The following AAK1 variants were observed in gnomAD, a reference collection of about 807,000 sequenced individuals.
AAK1 encodes the protein AP2-associated protein kinase 1.
In AAK1, 37 loss-of-function variants were observed where a neutral mutation model predicts 116.0. That is an observed-to-expected ratio of 0.32 (90% CI 0.25 to 0.42). The LOEUF (loss-of-function observed/expected upper bound fraction) is 0.42, where lower values mean the gene tolerates loss of function less well. Among genes scored for constraint, AAK1 ranks in the 10% least tolerant of loss-of-function variants. The pLI is 1.00. For missense variants in AAK1, 919 were observed against 1,170.6 expected (o/e 0.79, Z 3.14); for synonymous variants, 458 against 439.9 (o/e 1.04, Z -0.51).
Position 69,480,912 on chromosome 2 carries a change from T to G in AAK1, c.2517A>C (p.Pro839=), listed in dbSNP as rs1367087027. The G allele has an allele frequency of 6.2e-7, 1 of 1,607,606 alleles. No individual in the cohort carries two copies. The change falls in exon 19 of 22, where the codon CCA becomes CCC. Residue 839 remains proline (P), a synonymous_variant. Coordinates refer to ENST00000409085, the MANE Select transcript of AAK1 (RefSeq NM_014911.5). ...VESLIPGLEP[P]VPQRLPSQTE... is the part of the protein sequence containing the mutation. ...TCTGAGATGGGAGGCGCTGGGGAAC[T>G]GGGGGCTCCAGTCCTGGTATGAGAC...
chr2:69,642,802 A>G (rs996948128), intron 2 of AAK1, 76 bp downstream of exon 2: 4 of 1,596,532 alleles, frequency 2.5e-6, no homozygotes, highest in Non-Finnish European at 2.6e-6. Flanking sequence ...CCATTCATAC[A>G]TGCAACAACT....
At chr2:69,557,605 T>C (rs1387049961) in intron 2 of AAK1, among the ~76,000 whole-genome samples, 1 of 152,178 alleles carries the variant, frequency 6.6e-6, no homozygotes, top group Non-Finnish European at 1.5e-5. Flanking sequence ...CTTGGGTATT[T>C]TGATGCTCTT....
Position 69,472,772 on chromosome 2 carries a change from C to T in AAK1, c.*3097G>A, listed in dbSNP as rs1203691863. On this transcript the variant is annotated 3_prime_UTR_variant, in exon 22 of 22. Coordinates refer to ENST00000409085, the MANE Select transcript of AAK1 (RefSeq NM_014911.5). ...TTTGCCCGTTTTAAACTGGTAGATGCCTGATTATACATTTAAAAAGAAATC... is the reference window on the plus strand; with the variant it reads ...TTTGCCCGTTTTAAACTGGTAGATGTCTGATTATACATTTAAAAAGAAATC... 3 of 984,678 alleles carry T rather than the reference C, an allele frequency of 3.0e-6. No homozygotes were observed. Among genetic ancestry groups the T allele is most frequent in the Non-Finnish European group, 3.6e-6 (3 of 829,668 alleles). The allele number at this position is 984,678 out of a possible 1,614,324, so 61.0% of individuals were successfully genotyped here.
chr2:69,564,592 AG>A (rs1192393027), intron 2 of AAK1, among the ~76,000 whole-genome samples: 4 of 151,410 alleles, frequency 2.6e-5, no homozygotes, highest in Non-Finnish European at 5.9e-5. Flanking sequence ...GGCAGCTTTT[AG>A]GGAAGGAGCT....
chr2:69,537,415 C>T (rs1295739805), intron 5 of AAK1, among the ~76,000 whole-genome samples: 1 of 152,202 alleles, frequency 6.6e-6, no homozygotes, highest in Non-Finnish European at 1.5e-5. Context: ...GGGGTTTCCT[C>T]AGTTCTGCAT....
chr2:69,508,064 A>T (rs1558920033), intron 14 of AAK1, among the ~76,000 whole-genome samples: 1 of 152,214 alleles, frequency 6.6e-6, no homozygotes, highest in Non-Finnish European at 1.5e-5. Context: ...GCAGATACCC[A>T]TTCCACTTTG....
At chr2:69,593,214 A>T (rs1218785042) in intron 2 of AAK1, among the ~76,000 whole-genome samples, 1 of 152,198 alleles carries the variant, frequency 6.6e-6, no homozygotes, top group Non-Finnish European at 1.5e-5. Flanking sequence ...ATATTTAAAG[A>T]TGCTTTATGC....
chr2:69,600,673 G>A (rs1461291429), intron 2 of AAK1, among the ~76,000 whole-genome samples: 1 of 152,196 alleles, frequency 6.6e-6, no homozygotes, highest in African/African-American at 2.4e-5. Context: ...TGACAACAAA[G>A]GATTTAGAAT....
rs997169540 is a variant in AAK1 at position 69,468,763 on chromosome 2, A to G, written c.*7106T>C. ...AGTGCTAGATTACATTTTGAGAACT[A>G]GGAAGTACCAAGGGGTGTGTGTATG... On this transcript the variant is annotated 3_prime_UTR_variant, in exon 22 of 22. Coordinates refer to ENST00000409085, the MANE Select transcript of AAK1 (RefSeq NM_014911.5). The G allele has an allele frequency of 1.4e-5, 14 of 985,442 alleles. No homozygotes were observed. The highest frequency in any genetic ancestry group is 1.7e-5 in the Non-Finnish European group (14 of 829,932). The allele number at this position is 985,442 out of a possible 1,614,324, so 61.0% of individuals were successfully genotyped here.
rs116969112 is a variant in AAK1, at chr2:69,581,548, C to T, written c.164-24570G>A. On this transcript the variant is annotated intron_variant, in intron 2 of 21. Coordinates refer to ENST00000409085, the MANE Select transcript of AAK1 (RefSeq NM_014911.5). ...TTTGAAAATGGACTGGCCCACCTGC[C>T]GAGTGTCAAATGAGATTGCTAAATT... 7.2e-5 allele frequency among the ~76,000 whole-genome samples: 11 copies of T among 152,158 alleles called. No individual in the cohort carries two copies. In the East Asian group the frequency reaches 1.7e-3, roughly 24 times the overall value.
intron 17 of AAK1, among the ~76,000 whole-genome samples, chr2:69,483,287 C>T (rs1162032618): frequency 1.3e-5 from 2 of 152,208 alleles, no homozygotes; most frequent in Admixed American, 6.5e-5. Flanking sequence ...ACAGCTTTGC[C>T]TTTTCCAGAA....
At chr2:69,521,426 G>A (rs1407293568) in intron 10 of AAK1, among the ~76,000 whole-genome samples, 1 of 152,110 alleles carries the variant, frequency 6.6e-6, no homozygotes, top group East Asian at 1.9e-4. Context: ...ATTCAAACTT[G>A]GCTGCAACTA....
At chr2:69,606,620 C>G (rs981848784) in intron 2 of AAK1, among the ~76,000 whole-genome samples, 3 of 152,224 alleles carry the variant, frequency 2.0e-5, no homozygotes, top group Non-Finnish European at 4.4e-5. Context: ...TCATTGATCA[C>G]TCAATAAATG....
intron 2 of AAK1, among the ~76,000 whole-genome samples, chr2:69,575,418 T>C (rs112726024): frequency 5.9e-5 from 9 of 152,056 alleles, no homozygotes; most frequent in African/African-American, 2.2e-4. Flanking sequence ...TACTGCAATA[T>C]TTTTTAAAAA....
At chr2:69,487,798 T>C (rs7558321) in intron 17 of AAK1, among the ~76,000 whole-genome samples, 7,766 of 149,732 alleles carry the variant, frequency 0.052, 616 homozygotes, top group African/African-American at 0.17. Flanking sequence ...TTTTTTTTTT[T>C]TTTTTTTTGA....
intron 3 of AAK1, among the ~76,000 whole-genome samples, chr2:69,553,761 A>G (rs1490260098): frequency 1.3e-5 from 2 of 151,696 alleles, no homozygotes. Context: ...AAGTTCAAAA[A>G]AATTTATCTA....
intron 2 of AAK1, among the ~76,000 whole-genome samples, chr2:69,583,473 C>T (rs1672630124): frequency 1.3e-5 from 2 of 152,264 alleles, no homozygotes; most frequent in Admixed American, 6.5e-5. Context: ...ATTTTTGAAA[C>T]CTGAAGGCAA....
Position 69,469,860 on chromosome 2 carries a change from C to A in AAK1, c.*6009G>T, listed in dbSNP as rs1487798728. 6.1e-6 allele frequency: 6 copies of A among 985,240 alleles called. No individual in the cohort carries two copies. The East Asian group carries it at 6.8e-4, about 112-fold the overall frequency. 61.0% of individuals were successfully genotyped at this position (985,240 alleles called of 1,614,324 possible). A position where few individuals can be genotyped will look rare whatever the true frequency, so the allele number is the denominator to read the frequency against. On this transcript the variant is annotated 3_prime_UTR_variant, in exon 22 of 22. Transcript: ENST00000409085. ...GTTGACACTTTCAATATGGGTAACT[C>A]CATATTAGTCTATTTTGAGGCTCCA... is the stretch of plus-strand genomic sequence containing the variant.
intron 17 of AAK1, among the ~76,000 whole-genome samples, chr2:69,494,641 T>A (rs915828647): frequency 6.6e-6 from 1 of 152,120 alleles, no homozygotes. Context: ...CCCACACTTT[T>A]CTAACCTTCT....
Sources: gnomAD v4.1 joint callset for allele counts (sites outside exome capture counted in the v4.1 genomes callset) on GRCh38, gnomAD v4.1.1 for gene constraint, MANE v1.5 for transcripts, NCBI Gene and HGNC (gene_info 2026-07-23, HGNC 2026-07-21) for gene names.